ZNF804A: variants seen among roughly 807,000 people sequenced by gnomAD.
The protein encoded by ZNF804A is zinc finger protein 804A.
ZNF804A carries 2 observed loss-of-function variants against 16.5 expected under a neutral mutation model. The observed-to-expected ratio is 0.12, with a 90% CI of 0.05 to 0.38. ZNF804A has a LOEUF of 0.38. Among genes scored for constraint, ZNF804A ranks in the 10% least tolerant of loss-of-function variants. ZNF804A has a pLI of 0.99. For synonymous variants in ZNF804A, 534 were observed against 489.6 expected (o/e 1.09, Z -1.20); for missense variants, 1,473 against 1,390.7 (o/e 1.06, Z -0.94).
chr2:184,928,551 C>T (rs1347507013), intron 2 of ZNF804A, among the ~76,000 whole-genome samples: 2 of 152,154 alleles, frequency 1.3e-5, no homozygotes, highest in Non-Finnish European at 2.9e-5. Flanking sequence ...AGACCACTGG[C>T]TCTGAGCCCA....
chr2:184,844,564 C>T (rs1490592524), intron 1 of ZNF804A, among the ~76,000 whole-genome samples: 1 of 150,772 alleles, frequency 6.6e-6, no homozygotes, highest in African/African-American at 2.4e-5. Context: ...GATGAGAAGT[C>T]TATTGTAATT....
intron 1 of ZNF804A, among the ~76,000 whole-genome samples, chr2:184,817,617 A>G (rs1029285660): frequency 1.3e-5 from 2 of 152,006 alleles, no homozygotes; most frequent in African/African-American, 4.8e-5. Context: ...GCTGAGCCAA[A>G]GGAGCATATT....
chr2:184,894,871 T>G (rs1685040817), intron 2 of ZNF804A, among the ~76,000 whole-genome samples: 1 of 151,948 alleles, frequency 6.6e-6, no homozygotes, highest in African/African-American at 2.4e-5. Context: ...ATTTTTTTGT[T>G]TTTAGTAGAG....
At chr2:184,812,917 C>A (rs1041699083) in intron 1 of ZNF804A, among the ~76,000 whole-genome samples, 2 of 151,932 alleles carry the variant, frequency 1.3e-5, no homozygotes, top group East Asian at 3.9e-4. Context: ...AATAATAACT[C>A]GTGAAAAACA....
At chr2:184,814,934 C>T (rs568756286) in intron 1 of ZNF804A, among the ~76,000 whole-genome samples, 51 of 152,138 alleles carry the variant, frequency 3.4e-4, no homozygotes, top group African/African-American at 1.2e-3. Flanking sequence ...CCCTTGTCTA[C>T]ATCACATTGT....
At chr2:184,612,758 C>T (rs952224848) in intron 1 of ZNF804A, among the ~76,000 whole-genome samples, 1 of 152,044 alleles carries the variant, frequency 6.6e-6, no homozygotes, top group Non-Finnish European at 1.5e-5. Context: ...TACTGTTACT[C>T]AAAAACACAC....
intron 1 of ZNF804A, among the ~76,000 whole-genome samples, chr2:184,842,679 A>G (rs1429976490): frequency 6.6e-6 from 1 of 152,266 alleles, no homozygotes; most frequent in East Asian, 1.9e-4. Flanking sequence ...GAAATGACCT[A>G]TAGAAAAGCA....
At chr2:184,682,596 G>A (rs368577123) in intron 1 of ZNF804A, among the ~76,000 whole-genome samples, 4 of 152,094 alleles carry the variant, frequency 2.6e-5, no homozygotes, top group African/African-American at 7.2e-5. Flanking sequence ...ATTGTAAATA[G>A]GCAATTGTAG....
At chr2:184,856,358 A>T (rs1695686700) in intron 1 of ZNF804A, among the ~76,000 whole-genome samples, 1 of 152,080 alleles carries the variant, frequency 6.6e-6, no homozygotes, top group South Asian at 2.1e-4. Context: ...ATCTAAAAAA[A>T]AAAATGATGT....
intron 1 of ZNF804A, among the ~76,000 whole-genome samples, chr2:184,695,465 TA>T (rs779929990): frequency 0.023 from 1,212 of 51,794 alleles, 6 homozygotes; most frequent in African/African-American, 0.067. Flanking sequence ...ACTCCGTCAT[TA>T]AAAAAAAAAA....
chr2:184,861,506 C>T (rs1354036485), intron 1 of ZNF804A, among the ~76,000 whole-genome samples: 2 of 152,114 alleles, frequency 1.3e-5, no homozygotes, highest in Admixed American at 6.5e-5. Context: ...AGACAAAAAG[C>T]ACAGTCCTAA....
intron 1 of ZNF804A, among the ~76,000 whole-genome samples, chr2:184,836,177 A>T (rs1695343212): frequency 6.6e-6 from 1 of 152,166 alleles, no homozygotes; most frequent in Non-Finnish European, 1.5e-5. Context: ...TGCTTTTTAA[A>T]ATTAAGTTAT....
intron 2 of ZNF804A, among the ~76,000 whole-genome samples, chr2:184,896,472 T>A (rs1685071776): frequency 6.6e-6 from 1 of 152,122 alleles, no homozygotes; most frequent in South Asian, 2.1e-4. Flanking sequence ...TAGTGAATAA[T>A]CAGTTTCATC....
At chr2:184,919,624 T>C (rs1040677587) in intron 2 of ZNF804A, among the ~76,000 whole-genome samples, 1 of 152,220 alleles carries the variant, frequency 6.6e-6, no homozygotes, top group Admixed American at 6.5e-5. Flanking sequence ...CAATCCTTCT[T>C]GTTACCAATT....
intron 1 of ZNF804A, among the ~76,000 whole-genome samples, chr2:184,700,990 A>C (rs1692910343): frequency 6.6e-6 from 1 of 152,074 alleles, no homozygotes; most frequent in African/African-American, 2.4e-5. Context: ...CTCTTTTCTA[A>C]CTATTTGGAA....
chr2:184,706,773 A>T (rs1259146945), intron 1 of ZNF804A, among the ~76,000 whole-genome samples: 2 of 152,214 alleles, frequency 1.3e-5, no homozygotes, highest in Non-Finnish European at 2.9e-5. Context: ...GCTGGTATCC[A>T]CAATATCCAA....
chr2:184,676,781 A>C (rs1377761353), intron 1 of ZNF804A, among the ~76,000 whole-genome samples: 1 of 151,834 alleles, frequency 6.6e-6, no homozygotes, highest in Non-Finnish European at 1.5e-5. Flanking sequence ...TGAACTTTAC[A>C]GGACCACACT....
intron 2 of ZNF804A, among the ~76,000 whole-genome samples, chr2:184,891,007 A>G (rs1281495018): frequency 1.3e-5 from 2 of 152,150 alleles, no homozygotes; most frequent in East Asian, 3.8e-4. Flanking sequence ...GGATACCACC[A>G]TTGTGAGAAC....
rs557272972 is a variant in ZNF804A at position 184,928,457 on chromosome 2, T to C, written c.256-5146T>C. ...GGGATCTTTTAGGAGCCATGAGCTC[T>C]GCAGCCTGGGGTTAGGGGAGGGGGA... is the stretch of plus-strand genomic sequence containing the variant. On this transcript the variant is annotated intron_variant, in intron 2 of 3. Transcript: ENST00000302277. Among the ~76,000 whole-genome samples, 29 of 152,180 alleles carry C rather than the reference T, an allele frequency of 1.9e-4. No individual in the cohort carries two copies. The South Asian group carries it at 5.6e-3, about 29-fold the overall frequency.
Sources: allele counts gnomAD v4.1 joint callset (sites outside exome capture counted in the v4.1 genomes callset), GRCh38; gene constraint gnomAD v4.1.1; transcripts MANE v1.5; gene names NCBI Gene and HGNC (gene_info 2026-07-23, HGNC 2026-07-21).